Variants in FARP2 observed in about 807,000 individuals in gnomAD.
The protein encoded by FARP2 is FERM, ARHGEF and pleckstrin domain-containing protein 2.
Under a neutral mutation model 130.5 loss-of-function variants are expected in FARP2, and 111 were observed. The observed-to-expected ratio is 0.85, with a 90% CI of 0.73 to 1.00. The LOEUF is 1.00. Ranked by LOEUF, FARP2 falls within the 50% of genes least tolerant of loss-of-function variation. The probability of loss-of-function intolerance (pLI) is 0.00; values close to 1 mark genes in which losing one functional copy is unlikely to be tolerated. For missense variants in FARP2, 1,385 were observed against 1,346.3 expected, an observed-to-expected ratio of 1.03 and a Z score of -0.45; for synonymous variants, 504 against 516.9, an observed-to-expected ratio of 0.98 and a Z score of 0.34.
chr2:241,422,099 C>A (rs535586438), intron 8 of FARP2, among the ~76,000 whole-genome samples: 1 of 151,754 alleles, frequency 6.6e-6, no homozygotes, highest in African/African-American at 2.4e-5. Context: ...GAGCTGAGAT[C>A]ACACCACTGC....
chr2:241,456,698 A>C (rs750154818), intron 13 of FARP2, 49 bp from the exon 14 acceptor site: 1 of 1,598,916 alleles, frequency 6.3e-7, no homozygotes, highest in African/African-American at 1.3e-5. Context: ...AGCCAGCCTC[A>C]CAGCCCTTTC....
Position 241,413,330 on chromosome 2 carries a change from A to T in FARP2, c.532A>T (p.Thr178Ser). Residue 178 changes from threonine (T) to serine (S), a missense_variant, in exon 7 of 27, where the codon ACG becomes TCG. Thr to Ser is a moderately conservative substitution (Grantham distance 58). Coordinates refer to ENST00000264042, the MANE Select transcript of FARP2 (RefSeq NM_014808.4). ...AGCGGAAATAGGAGATTACGATGAA[A>T]CGCTGGACCGAGAGCACCTCAAAGT... ...LQSEIGDYDETLDREHLKVNE... is the reference protein window; with the variant it reads ...LQSEIGDYDESLDREHLKVNE... The T allele has an allele frequency of 6.2e-7, 1 of 1,610,546 alleles. No homozygotes were observed. Among genetic ancestry groups the T allele is most frequent in the Non-Finnish European group, 8.5e-7 (1 of 1,178,686 alleles).
chr2:241,394,504 C>T (rs926715255), intron 2 of FARP2, among the ~76,000 whole-genome samples: 8 of 141,274 alleles, frequency 5.7e-5, no homozygotes, highest in Non-Finnish European at 9.1e-5. Context: ...GGTGACAGTG[C>T]GAGACTCCAT....
intron 21 of FARP2, among the ~76,000 whole-genome samples, chr2:241,485,812 C>T (rs945062829): frequency 4.0e-5 from 6 of 149,356 alleles, no homozygotes; most frequent in Admixed American, 3.3e-4. Flanking sequence ...GGCCCTCCCC[C>T]AGTAGGGTCC....
At chr2:241,476,495 C>T (rs976112572) in intron 19 of FARP2, among the ~76,000 whole-genome samples, 1 of 152,110 alleles carries the variant, frequency 6.6e-6, no homozygotes, top group Non-Finnish European at 1.5e-5. Flanking sequence ...CGAGACCAGC[C>T]AGACCAACAT....
At chr2:241,395,945 T>C (rs1241512687) in intron 2 of FARP2, 1 of 152,230 alleles carries the variant, frequency 6.6e-6, no homozygotes, top group Non-Finnish European at 1.5e-5. Context: ...ATATGGTTTC[T>C]GCCCTCCTGA....
At chr2:241,491,213 C>CTT in intron 23 of FARP2, 34 bp downstream of exon 23, 1 of 1,473,728 alleles carries the variant, frequency 6.8e-7, no homozygotes, top group Non-Finnish European at 9.5e-7. Flanking sequence ...AGGAGACCTC[C>CTT]ACTACACCTA....
Position 241,468,296 on chromosome 2 carries a change from C to T in FARP2, c.2050C>T (p.Arg684Trp), listed in dbSNP as rs766166748. 17 of 1,613,496 alleles carry T rather than the reference C, an allele frequency of 1.1e-5. No individual in the cohort carries two copies. The highest frequency in any genetic ancestry group is 6.7e-5 in the Admixed American group (4 of 60,010). Reference protein sequence around the residue: ...LNTFLLKPIQRLLHYRLLLRR... With the variant: ...LNTFLLKPIQWLLHYRLLLRR... ...CACGTTCCTGCTGAAGCCCATCCAGCGGCTGCTGCACTACCGCCTGCTGCT... is the reference window on the plus strand; with the variant it reads ...CACGTTCCTGCTGAAGCCCATCCAGTGGCTGCTGCACTACCGCCTGCTGCT... Residue 684 changes from arginine to tryptophan, a missense_variant, in exon 18 of 27, where the codon CGG (arginine) becomes TGG (tryptophan). Physicochemically the swap from Arg to Trp is moderately radical, Grantham distance 101. Transcript: ENST00000264042.
chr2:241,421,016 C>T (rs1397607398), intron 8 of FARP2, among the ~76,000 whole-genome samples: 3 of 152,114 alleles, frequency 2.0e-5, no homozygotes, highest in Non-Finnish European at 4.4e-5. Context: ...CAACTCAACC[C>T]ACAGAGGATG....
At chr2:241,474,512 C>T (rs1034218559) in intron 18 of FARP2, among the ~76,000 whole-genome samples, 5 of 151,272 alleles carry the variant, frequency 3.3e-5, no homozygotes, top group South Asian at 2.1e-4. Flanking sequence ...AGAAGGTGGC[C>T]GGGCATGGTG....
At position 241,418,114 on chromosome 2, in the gene FARP2, G is replaced by C; in HGVS notation, c.771+5G>C. 1 of 1,614,184 alleles carries C rather than the reference G, an allele frequency of 6.2e-7. No individual in the cohort carries two copies. The highest frequency in any genetic ancestry group is 1.7e-5 in the Admixed American group (1 of 60,018). On this transcript the variant is annotated splice_donor_5th_base_variant and intron_variant, in intron 8 of 26. Coordinates refer to ENST00000264042, the MANE Select transcript of FARP2 (RefSeq NM_014808.4). ...ATGGGTGTACTCGTGTTCCAGGTAG[G>C]CCAGTGGGGAAGGGAGGGGTGAGAA...
intron 2 of FARP2, among the ~76,000 whole-genome samples, chr2:241,383,033 T>C (rs749473050): frequency 2.0e-5 from 3 of 152,146 alleles, no homozygotes; most frequent in African/African-American, 7.2e-5. Flanking sequence ...TGATTACTTA[T>C]GGTGAAGGAA....
chr2:241,382,019 C>T (rs1334833629), intron 2 of FARP2, among the ~76,000 whole-genome samples: 9 of 152,078 alleles, frequency 5.9e-5, no homozygotes, highest in Admixed American at 5.9e-4. Flanking sequence ...TTCATTATAC[C>T]ATTAATACTT....
intron 20 of FARP2, chr2:241,483,772 T>C (rs947881175): frequency 2.0e-6 from 2 of 983,684 alleles, no homozygotes; most frequent in African/African-American, 3.5e-5. Context: ...CATTCCAGGT[T>C]CTGAGCACCT....
At chr2:241,456,276 A>G (rs2063834738) in intron 13 of FARP2, among the ~76,000 whole-genome samples, 1 of 152,212 alleles carries the variant, frequency 6.6e-6, no homozygotes, top group African/African-American at 2.4e-5. Context: ...AATGAATAAT[A>G]AGTTTGGCCT....
At chr2:241,492,630 T>C (rs2064962104) in intron 24 of FARP2, 1 of 311,570 alleles carries the variant, frequency 3.2e-6, no homozygotes, top group Admixed American at 4.6e-5. Context: ...TCTCTTAAGG[T>C]ATCTTCTCTC....
At chr2:241,464,333 CAGAGCAGGGTCCCCTA>C (rs1384204336) in intron 17 of FARP2, among the ~76,000 whole-genome samples, 1 of 150,806 alleles carries the variant, frequency 6.6e-6, no homozygotes, top group Non-Finnish European at 1.5e-5. Context: ...AGGGTCCCCC[CAGAGCAGGGTCCCCTA>C]AGAGCGGGGT....
intron 7 of FARP2, among the ~76,000 whole-genome samples, chr2:241,416,344 G>A (rs370733069): frequency 3.9e-5 from 6 of 152,236 alleles, no homozygotes; most frequent in East Asian, 1.9e-4. Context: ...GAATAAGCCC[G>A]GAAGCAGGAA....
intron 7 of FARP2, among the ~76,000 whole-genome samples, chr2:241,417,519 C>T (rs926825380): frequency 5.3e-5 from 8 of 152,140 alleles, no homozygotes; most frequent in South Asian, 2.1e-4. Context: ...GACAGGGTTT[C>T]GCCATGTTGT....
Sources: gnomAD v4.1 joint callset for allele counts (sites outside exome capture counted in the v4.1 genomes callset) on GRCh38, gnomAD v4.1.1 for gene constraint, MANE v1.5 for transcripts, NCBI Gene and HGNC (gene_info 2026-07-23, HGNC 2026-07-21) for gene names.